Variants in SPIN1 observed in about 807,000 individuals in gnomAD.
SPIN1 encodes the protein spindlin-1.
SPIN1 carries 3 observed loss-of-function variants against 26.0 expected under a neutral mutation model. That is an observed-to-expected ratio of 0.12 (90% CI 0.05 to 0.30). The LOEUF is 0.30. Among genes scored for constraint, SPIN1 ranks in the 10% least tolerant of loss-of-function variants. SPIN1 has a pLI of 1.00. For synonymous variants in SPIN1, 101 were observed against 116.5 expected (o/e 0.87, Z 0.86); for missense variants, 126 against 333.4 (o/e 0.38, Z 4.84).
intron 5 of SPIN1, among the ~76,000 whole-genome samples, chr9:88,472,056 T>G (rs1048821985): frequency 7.9e-5 from 12 of 152,008 alleles, no homozygotes; most frequent in Non-Finnish European, 1.5e-4. Flanking sequence ...ACCTCAGTCT[T>G]CCAAAGTGCT....
chr9:88,450,522 C>A (rs1340612156), intron 3 of SPIN1, among the ~76,000 whole-genome samples: 1 of 152,150 alleles, frequency 6.6e-6, no homozygotes, highest in Non-Finnish European at 1.5e-5. Flanking sequence ...ATTCCATCTG[C>A]CTCATCCTAA....
chr9:88,402,521 T>C lies in SPIN1; in HGVS notation c.-159+13983T>C, dbSNP rs574505572. On this transcript the variant is annotated intron_variant, in intron 1 of 5. Transcript: ENST00000375859. The stretch of plus-strand genomic sequence containing the variant: ...TTCCATGAGGTCAACTTTTTTTTTT[T>C]TTTTTTATAGCTCCCATGTATTTGT... Among the ~76,000 whole-genome samples, 480 of 152,092 alleles carry C rather than the reference T, an allele frequency of 3.2e-3. 1 individual carries two copies. Among genetic ancestry groups the C allele is most frequent in the Admixed American group, 4.7e-3 (71 of 15,254 alleles).
chr9:88,446,829 TC>T (rs1355265196), intron 2 of SPIN1, among the ~76,000 whole-genome samples: 2 of 152,206 alleles, frequency 1.3e-5, no homozygotes, highest in African/African-American at 4.8e-5. Flanking sequence ...TATCCTCTGT[TC>T]TTTAGCCATT....
intron 2 of SPIN1, among the ~76,000 whole-genome samples, chr9:88,435,918 C>T (rs1827990708): frequency 6.6e-6 from 1 of 152,132 alleles, no homozygotes; most frequent in Admixed American, 6.6e-5. Flanking sequence ...TTCTTATTTC[C>T]TGAAGGGTAT....
At chr9:88,452,770 C>G (rs1171910076) in intron 3 of SPIN1, among the ~76,000 whole-genome samples, 1 of 152,184 alleles carries the variant, frequency 6.6e-6, no homozygotes, top group African/African-American at 2.4e-5. Context: ...ACCTGCAAAG[C>G]AGGTTTTTTT....
chr9:88,423,260 A>G (rs1827705139), intron 1 of SPIN1, among the ~76,000 whole-genome samples: 1 of 152,222 alleles, frequency 6.6e-6, no homozygotes, highest in Non-Finnish European at 1.5e-5. Context: ...TGAATTTGTT[A>G]GGATAAATTG....
intron 1 of SPIN1, among the ~76,000 whole-genome samples, chr9:88,408,303 ATCT>A (rs1263096720): frequency 7.5e-6 from 1 of 132,528 alleles, no homozygotes; most frequent in African/African-American, 2.8e-5. Flanking sequence ...AGCACTTCAG[ATCT>A]TCTCAGTCCC....
intron 2 of SPIN1, among the ~76,000 whole-genome samples, chr9:88,429,515 A>T (rs1442238981): frequency 6.6e-6 from 1 of 152,148 alleles, no homozygotes; most frequent in African/African-American, 2.4e-5. Context: ...CTTAACTTTT[A>T]CCAGTTTATT....
At position 88,468,362 on chromosome 9, in the gene SPIN1, T is replaced by A. The variant is rs777722585; in HGVS notation, c.356-10T>A. ...TTTGTCAACTTTTTTTTTTTTTTTTTAATCCCCAGCGACATCTCGAATCAG... is the reference window on the plus strand; with the variant it reads ...TTTGTCAACTTTTTTTTTTTTTTTTAAATCCCCAGCGACATCTCGAATCAG... On this transcript the variant is annotated splice_polypyrimidine_tract_variant and intron_variant, in intron 4 of 5. Coordinates refer to ENST00000375859, the MANE Select transcript of SPIN1 (RefSeq NM_006717.3). The A allele has an allele frequency of 5.8e-5, 85 of 1,466,710 alleles. No individual in the cohort carries two copies. The South Asian group carries it at 8.0e-4, about 14-fold the overall frequency. 90.9% of individuals were successfully genotyped at this position (1,466,710 alleles called of 1,614,324 possible).
At chr9:88,450,076 A>G (rs763124889) in intron 3 of SPIN1, among the ~76,000 whole-genome samples, 20 of 152,256 alleles carry the variant, frequency 1.3e-4, no homozygotes, top group Non-Finnish European at 2.6e-4. Flanking sequence ...GGTAAGCTAC[A>G]TAAGTTCTTG....
chr9:88,473,345 A>T (rs540530314), intron 5 of SPIN1, among the ~76,000 whole-genome samples: 33 of 152,198 alleles, frequency 2.2e-4, no homozygotes, highest in African/African-American at 7.9e-4. Flanking sequence ...GCGAGTCGAG[A>T]TTGCACCACT....
At position 88,426,243 on chromosome 9, in the gene SPIN1, T is replaced by C. The variant is rs7026876; in HGVS notation, c.-158-139T>C. The C allele has an allele frequency of 5.1e-3, 1,178 of 231,210 alleles. 12 individuals are homozygous for C. Among genetic ancestry groups the C allele is most frequent in the African/African-American group, 0.025 (1,093 of 43,600 alleles). The allele number at this position is 231,210 out of a possible 1,614,324, so 14.3% of individuals were successfully genotyped here. On this transcript the variant is annotated intron_variant, in intron 1 of 5. Coordinates refer to ENST00000375859, the MANE Select transcript of SPIN1 (RefSeq NM_006717.3). ...TTGTCATGTCCTAAGAACCCAGGTC[T>C]TAGGAAATAAAGTTAATTGCTTTGG...
intron 1 of SPIN1, among the ~76,000 whole-genome samples, chr9:88,415,231 T>C (rs1240561202): frequency 1.3e-5 from 2 of 152,132 alleles, no homozygotes; most frequent in African/African-American, 4.8e-5. Flanking sequence ...ATAGAGAATT[T>C]GGGCTCTGAA....
In SPIN1 at chr9:88,472,515, A is replaced by C. The variant is rs184382489; in HGVS notation, c.590-2563A>C. Among the ~76,000 whole-genome samples, 9 of 151,034 alleles carry C rather than the reference A, an allele frequency of 6.0e-5. No individual in the cohort carries two copies. In the South Asian group the frequency reaches 1.9e-3, roughly 32 times the overall value. On this transcript the variant is annotated intron_variant, in intron 5 of 5. Transcript: ENST00000375859. ...ACTTTTTATTTATTTATTTTTTGAG[A>C]TGGAGTCTTGCTCTGTTGCCAGGCT...
chr9:88,443,692 G>A (rs1322170352), intron 2 of SPIN1, among the ~76,000 whole-genome samples: 1 of 152,220 alleles, frequency 6.6e-6, no homozygotes, highest in Admixed American at 6.5e-5. Context: ...TAGCAAGGTA[G>A]TGGTAACGTA....
intron 1 of SPIN1, among the ~76,000 whole-genome samples, chr9:88,394,852 C>CA (rs1827018461): frequency 6.7e-6 from 1 of 149,862 alleles, no homozygotes; most frequent in African/African-American, 2.5e-5. Context: ...CTCTGTCGCC[C>CA]AGGCTGGAGT....
chr9:88,401,585 C>CA (rs1827187177), intron 1 of SPIN1, among the ~76,000 whole-genome samples: 1 of 152,138 alleles, frequency 6.6e-6, no homozygotes. Flanking sequence ...AAATGCTATA[C>CA]AAATAGTTAT....
At chr9:88,402,978 TTAA>T (rs1827223082) in intron 1 of SPIN1, among the ~76,000 whole-genome samples, 1 of 152,212 alleles carries the variant, frequency 6.6e-6, no homozygotes, top group African/African-American at 2.4e-5. Flanking sequence ...GTTTGTGTTT[TTAA>T]TAATAGTTAT....
At chr9:88,464,963 G>GATA (rs1225207718) in intron 4 of SPIN1, among the ~76,000 whole-genome samples, 3 of 152,138 alleles carry the variant, frequency 2.0e-5, no homozygotes, top group African/African-American at 7.2e-5. Flanking sequence ...CTGTCTCTAT[G>GATA]AATTTGACTA....
Sources: gnomAD v4.1 joint callset for allele counts (sites outside exome capture counted in the v4.1 genomes callset) on GRCh38, gnomAD v4.1.1 for gene constraint, MANE v1.5 for transcripts, NCBI Gene and HGNC (gene_info 2026-07-23, HGNC 2026-07-21) for gene names.